SUN1: variants seen among roughly 807,000 people sequenced by gnomAD.
The protein encoded by SUN1 is SUN domain-containing protein 1.
A neutral mutation model predicts 103.2 loss-of-function variants in SUN1; 61 were observed. The ratio of observed to expected loss-of-function variants is 0.59; its 90% confidence interval spans 0.48 to 0.73. SUN1 has a LOEUF of 0.73. Ranked by LOEUF, SUN1 falls within the 30% of genes least tolerant of loss-of-function variation. The pLI is 0.00. For synonymous variants in SUN1, 490 were observed against 425.7 expected, an observed-to-expected ratio of 1.15 and a Z score of -1.86; for missense variants, 1,052 against 1,034.6, an observed-to-expected ratio of 1.02 and a Z score of -0.23.
At position 873,770 on chromosome 7, in the gene SUN1, A is replaced by C. The variant is rs1262139274; in HGVS notation, c.*439A>C. On this transcript the variant is annotated 3_prime_UTR_variant, in exon 19 of 19. Coordinates refer to ENST00000401592, the MANE Select transcript of SUN1 (RefSeq NM_001130965.3). ...ACACACATTTCTTTCAGGGAAAAAC[A>C]ATGTCACCAAATTTTCAGAGTTCTA... 17 of 154,892 alleles carry C rather than the reference A, an allele frequency of 1.1e-4. No individual in the cohort carries two copies. Among genetic ancestry groups the C allele is most frequent in the Admixed American group, 1.0e-3 (16 of 15,416 alleles). The allele number at this position is 154,892 out of a possible 1,614,324, so 9.6% of individuals were successfully genotyped here. A position where few individuals can be genotyped will look rare whatever the true frequency, so the allele number is the denominator to read the frequency against.
intron 5 of SUN1, chr7:849,986 G>T (rs374494725): frequency 1.9e-6 from 3 of 1,602,078 alleles, no homozygotes; most frequent in Non-Finnish European, 2.5e-6. Context: ...CAGTCGCCAC[G>T]GCTGCCCGGT....
At chr7:816,427 G>GCCCCTC (rs1413859802), upstream of SUN1, 4 of 158,352 alleles carry the variant, frequency 2.5e-5, no homozygotes, top group African/African-American at 8.5e-5. Flanking sequence ...ACGCATCCAG[G>GCCCCTC]CCCCTCCCCC....
At chr7:871,187 A>G (rs898107875) in intron 17 of SUN1, among the ~76,000 whole-genome samples, 2 of 152,134 alleles carry the variant, frequency 1.3e-5, no homozygotes, top group Non-Finnish European at 1.5e-5. Flanking sequence ...TTTAATCTGC[A>G]TTTCTCTGTA....
At chr7:864,777 CG>C (rs1476071160) in intron 15 of SUN1, among the ~76,000 whole-genome samples, 3 of 91,516 alleles carry the variant, frequency 3.3e-5, no homozygotes, top group Non-Finnish European at 4.6e-5. Flanking sequence ...TACAGGGGCG[CG>C]TCACCACGCC....
chr7:847,502 G>A (rs1202015959), intron 5 of SUN1, among the ~76,000 whole-genome samples: 6 of 99,738 alleles, frequency 6.0e-5, no homozygotes, highest in African/African-American at 2.0e-4. Flanking sequence ...AGCGCCGTGC[G>A]CCAGCGGAGT....
At chr7:826,767 A>G (rs1425961323) in intron 1 of SUN1, among the ~76,000 whole-genome samples, 1 of 152,214 alleles carries the variant, frequency 6.6e-6, no homozygotes, top group Middle Eastern at 3.2e-3. Flanking sequence ...GTCAGTGACC[A>G]ACGCTGGGGC....
intron 1 of SUN1, among the ~76,000 whole-genome samples, chr7:837,360 T>C (rs906282116): frequency 5.9e-5 from 9 of 152,348 alleles, no homozygotes; most frequent in South Asian, 2.1e-4. Context: ...TGAGCTGAGT[T>C]AACCTCGTGT....
upstream of SUN1, among the ~76,000 whole-genome samples, chr7:829,786 C>T (rs1796283989): frequency 6.6e-6 from 1 of 152,082 alleles, no homozygotes; most frequent in African/African-American, 2.4e-5. Flanking sequence ...GATCTCTCGA[C>T]CTCATGATCT....
At chr7:817,335 C>T in intron 1 of SUN1, 6 of 1,299,138 alleles carry the variant, frequency 4.6e-6, no homozygotes, top group Non-Finnish European at 6.4e-6. Flanking sequence ...GCGATCCCCT[C>T]GCCCCAGCCT....
chr7:860,493 T>TGGG, intron 14 of SUN1, 111 bp downstream of exon 14: 1 of 1,523,376 alleles, frequency 6.6e-7, no homozygotes, highest in Non-Finnish European at 8.8e-7. Context: ...GTGGTCTGGC[T>TGGG]GGGGTGTGCT....
At chr7:815,558 C>A (rs1780114235), upstream of SUN1, among the ~76,000 whole-genome samples, 1 of 151,150 alleles carries the variant, frequency 6.6e-6, no homozygotes, top group Non-Finnish European at 1.5e-5. Flanking sequence ...GCCTGGACAA[C>A]GGGAGGGAGA....
chr7:817,352 A>C, intron 1 of SUN1: 1 of 1,463,854 alleles, frequency 6.8e-7, no homozygotes, highest in Non-Finnish European at 9.2e-7. Flanking sequence ...GCCTGCCTGG[A>C]GGCGCGCGCG....
chr7:856,248 G>A, intron 11 of SUN1, 110 bp from the exon 12 acceptor site: 2 of 1,137,736 alleles, frequency 1.8e-6, no homozygotes, highest in Middle Eastern at 2.1e-4. Flanking sequence ...TCTGGACTTT[G>A]AATTAAAGGG....
intron 2 of SUN1, chr7:841,715 A>G (rs1249580619): frequency 2.0e-6 from 1 of 493,604 alleles, no homozygotes; most frequent in African/African-American, 2.0e-5. Context: ...GGTGCCCAAA[A>G]TAACCTGGAA....
intron 1 of SUN1, among the ~76,000 whole-genome samples, chr7:836,026 G>A (rs117469316): frequency 0.036 from 5,551 of 152,374 alleles, 159 homozygotes; most frequent in Non-Finnish European, 0.059. Flanking sequence ...GGGGGGCCTG[G>A]CAGAAGCCGC....
At chr7:863,467 A>G (rs1042207574) in intron 15 of SUN1, among the ~76,000 whole-genome samples, 4 of 152,124 alleles carry the variant, frequency 2.6e-5, no homozygotes, top group Non-Finnish European at 5.9e-5. Context: ...GTATCCTACT[A>G]AGGGCCAAAC....
At chr7:860,755 C>T (rs1399928234) in intron 14 of SUN1, among the ~76,000 whole-genome samples, 1 of 152,224 alleles carries the variant, frequency 6.6e-6, no homozygotes, top group Non-Finnish European at 1.5e-5. Context: ...GGATCATTGA[C>T]TCACAGTTGC....
At chr7:857,056 C>G (rs1484421188) in intron 12 of SUN1, among the ~76,000 whole-genome samples, 2 of 152,194 alleles carry the variant, frequency 1.3e-5, no homozygotes, top group African/African-American at 2.4e-5. Context: ...GCCAAGTCCC[C>G]TTAAGTGGGG....
intron 7 of SUN1, 38 bp downstream of exon 7, chr7:852,081 G>A (rs766631690): frequency 5.8e-5 from 92 of 1,591,070 alleles, no homozygotes; most frequent in Non-Finnish European, 7.5e-5. Context: ...GGTGCTTTAA[G>A]GAACCAATTT....
Sources: allele counts gnomAD v4.1 joint callset (sites outside exome capture counted in the v4.1 genomes callset), GRCh38; gene constraint gnomAD v4.1.1; transcripts MANE v1.5; gene names NCBI Gene and HGNC (gene_info 2026-07-23, HGNC 2026-07-21).